The following OPCML variants were observed in gnomAD, a reference collection of about 807,000 sequenced individuals.
OPCML encodes opioid-binding protein/cell adhesion molecule.
A neutral mutation model predicts 37.8 loss-of-function variants in OPCML; 13 were observed. The ratio of observed to expected loss-of-function variants is 0.34; its 90% CI spans 0.22 to 0.55. The LOEUF (loss-of-function observed/expected upper bound fraction) is 0.55, where lower values mean the gene tolerates loss of function less well. Ranked by LOEUF, OPCML falls within the 20% of genes least tolerant of loss-of-function variation. OPCML has a pLI of 0.91. For synonymous variants in OPCML, 176 were observed against 168.8 expected (o/e 1.04, Z -0.33); for missense variants, 341 against 435.6 (o/e 0.78, Z 1.93).
At chr11:132,426,860 G>C (rs1329060948) in intron 7 of OPCML, among the ~76,000 whole-genome samples, 1 of 152,084 alleles carries the variant, frequency 6.6e-6, no homozygotes, top group Non-Finnish European at 1.5e-5. Flanking sequence ...GCTGCATTCA[G>C]GGGTGGCTCA....
intron 4 of OPCML, among the ~76,000 whole-genome samples, chr11:132,507,249 C>G (rs1227515589): frequency 6.6e-6 from 1 of 151,800 alleles, no homozygotes; most frequent in African/African-American, 2.4e-5. Context: ...TTATTAAAAT[C>G]CGGTATTACT....
In OPCML at chr11:132,895,386, A is replaced by G. The variant is rs1010105264; in HGVS notation, c.146+47540T>C. ...ATTCCATTTCCTGCCCCAGCTCTAC[A>G]TAAATAGCTGAAGAGCTTCTAAGTG... On this transcript the variant is annotated intron_variant, in intron 2 of 7. Transcript: ENST00000524381. Among the ~76,000 whole-genome samples the G allele has an allele frequency of 3.3e-5, 5 of 152,258 alleles. No homozygotes were observed. The East Asian group carries it at 7.7e-4, about 23-fold the overall frequency.
intron 3 of OPCML, among the ~76,000 whole-genome samples, chr11:132,535,223 T>G (rs1248224801): frequency 6.6e-6 from 1 of 152,064 alleles, no homozygotes; most frequent in East Asian, 1.9e-4. Context: ...AAAGTGCATA[T>G]TCAATAACTA....
intron 1 of OPCML, among the ~76,000 whole-genome samples, chr11:133,226,929 G>C (rs1160641232): frequency 1.3e-5 from 2 of 152,206 alleles, no homozygotes; most frequent in Non-Finnish European, 2.9e-5. Context: ...GTAGACTCTT[G>C]TCATGAGCCA....
chr11:133,303,976 T>C (rs1332381837), intron 1 of OPCML, among the ~76,000 whole-genome samples: 1 of 152,228 alleles, frequency 6.6e-6, no homozygotes, highest in Non-Finnish European at 1.5e-5. Flanking sequence ...CTTTAATAAC[T>C]ACTGGAACAC....
chr11:132,969,842 C>T (rs908785346), intron 1 of OPCML, among the ~76,000 whole-genome samples: 13 of 152,060 alleles, frequency 8.5e-5, no homozygotes, highest in African/African-American at 3.1e-4. Context: ...TTTCATTAAG[C>T]ATTATTCCCT....
intron 2 of OPCML, among the ~76,000 whole-genome samples, chr11:132,686,967 C>T (rs919080350): frequency 3.0e-4 from 46 of 152,124 alleles, no homozygotes; most frequent in Non-Finnish European, 5.7e-4. Context: ...CCCTTCTGGA[C>T]ATCAGAGATA....
chr11:133,389,253 T>C (rs77277397), intron 1 of OPCML, among the ~76,000 whole-genome samples: 3,497 of 152,288 alleles, frequency 0.023, 88 homozygotes, highest in African/African-American at 0.061. Flanking sequence ...AATGCAAATA[T>C]GTATGCAAGA....
intron 7 of OPCML, among the ~76,000 whole-genome samples, chr11:132,433,686 G>T (rs989026542): frequency 3.3e-5 from 5 of 152,174 alleles, no homozygotes; most frequent in African/African-American, 4.8e-5. Context: ...GTTAAGTGAG[G>T]TCATAAGGGT....
At chr11:133,287,539 GAA>G (rs35418402) in intron 1 of OPCML, among the ~76,000 whole-genome samples, 72 of 115,078 alleles carry the variant, frequency 6.3e-4, no homozygotes, top group East Asian at 1.8e-3. Context: ...GGAATGTTCA[GAA>G]AAAAAAAAAA....
rs1181923500 is a variant in OPCML at position 133,170,160 on chromosome 11, G to T, written c.62-227150C>A. Among the ~76,000 whole-genome samples the T allele has an allele frequency of 4.6e-5, 7 of 152,232 alleles. No individual in the cohort carries two copies. In the South Asian group the frequency reaches 1.5e-3, roughly 32 times the overall value. On this transcript the variant is annotated intron_variant, in intron 1 of 7. Coordinates refer to ENST00000524381, the MANE Select transcript of OPCML (RefSeq NM_001012393.5). ...CCTGTCTGTCTACCCATCCATCTAT[G>T]ATTTACTTTTCAGAATAAAAGGATA... is the stretch of plus-strand genomic sequence containing the variant.
intron 1 of OPCML, among the ~76,000 whole-genome samples, chr11:133,105,328 T>G (rs1175935335): frequency 6.6e-6 from 1 of 152,128 alleles, no homozygotes; most frequent in East Asian, 1.9e-4. Flanking sequence ...ATTAACGAGG[T>G]TATGCAGTGT....
chr11:133,289,636 C>T (rs1364678968), intron 1 of OPCML, among the ~76,000 whole-genome samples: 3 of 151,394 alleles, frequency 2.0e-5, no homozygotes, highest in Non-Finnish European at 2.9e-5. Flanking sequence ...ATTAGTTTCA[C>T]GCTATTCCCA....
chr11:133,091,824 AC>A (rs1402902453), intron 1 of OPCML, among the ~76,000 whole-genome samples: 1 of 152,122 alleles, frequency 6.6e-6, no homozygotes, highest in Non-Finnish European at 1.5e-5. Flanking sequence ...TTTAGATGAG[AC>A]TTTAGATTTT....
At chr11:132,736,135 A>C (rs1259674217) in intron 2 of OPCML, among the ~76,000 whole-genome samples, 1 of 152,174 alleles carries the variant, frequency 6.6e-6, no homozygotes. Flanking sequence ...ATTGACAGTG[A>C]TTATGCTATG....
In OPCML at chr11:132,887,978, G is replaced by A. The variant is rs561375412; in HGVS notation, c.146+54948C>T. The stretch of plus-strand genomic sequence containing the variant: ...CATGACTGTCTAGATTTTGTTGCTT[G>A]TAAGACCAGCATGGAATGTCCTTTT... On this transcript the variant is annotated intron_variant, in intron 2 of 7. Transcript: ENST00000524381. 8.5e-5 allele frequency among the ~76,000 whole-genome samples: 13 copies of A among 152,316 alleles called. No homozygotes were observed. The East Asian group carries it at 2.5e-3, about 29-fold the overall frequency.
At chr11:133,343,495 G>T (rs75134163) in intron 1 of OPCML, among the ~76,000 whole-genome samples, 2,378 of 152,298 alleles carry the variant, frequency 0.016, 70 homozygotes, top group African/African-American at 0.053. Flanking sequence ...CCTGAGATCA[G>T]AGATAGAACC....
chr11:133,355,252 T>A (rs1011643769), intron 1 of OPCML, among the ~76,000 whole-genome samples: 1 of 152,210 alleles, frequency 6.6e-6, no homozygotes, highest in Non-Finnish European at 1.5e-5. Context: ...TCTAATTGAC[T>A]GAACAAAACG....
Position 132,630,418 on chromosome 11 carries a change from C to T in OPCML, c.379+26669G>A, listed in dbSNP as rs541764249. On this transcript the variant is annotated intron_variant, in intron 3 of 7. Coordinates refer to ENST00000524381, the MANE Select transcript of OPCML (RefSeq NM_001012393.5). Reference sequence around the variant, plus strand: ...ACTAAAAATACAAAAATTAGCTGGGCGTGGTGGCACGTGCCTGTAACCCCA... The same window carrying T: ...ACTAAAAATACAAAAATTAGCTGGGTGTGGTGGCACGTGCCTGTAACCCCA... 1.5e-3 allele frequency among the ~76,000 whole-genome samples: 233 copies of T among 152,160 alleles called. 1 individual carries two copies. Among genetic ancestry groups the T allele is most frequent in the African/African-American group, 5.0e-3 (206 of 41,490 alleles).
Sources: gnomAD v4.1 joint callset for allele counts (sites outside exome capture counted in the v4.1 genomes callset) on GRCh38, gnomAD v4.1.1 for gene constraint, MANE v1.5 for transcripts, NCBI Gene and HGNC (gene_info 2026-07-23, HGNC 2026-07-21) for gene names.